PTPRR: variants seen among roughly 807,000 people sequenced by gnomAD.
PTPRR encodes the protein protein tyrosine phosphatase receptor type R, also known as receptor-type tyrosine-protein phosphatase R.
A neutral mutation model predicts 77.2 loss-of-function variants in PTPRR; 38 were observed. The observed-to-expected ratio is 0.49, with a 90% confidence interval of 0.38 to 0.65. The LOEUF (loss-of-function observed/expected upper bound fraction) is 0.65, where lower values mean the gene tolerates loss of function less well. Ranked by LOEUF, PTPRR falls within the 30% of genes least tolerant of loss-of-function variation. The pLI is 0.00. For synonymous variants in PTPRR, 299 were observed against 283.1 expected, an observed-to-expected ratio of 1.06 and a Z score of -0.57; for missense variants, 744 against 799.2, an observed-to-expected ratio of 0.93 and a Z score of 0.83.
intron 2 of PTPRR, among the ~76,000 whole-genome samples, chr12:70,809,063 A>G (rs1891762076): frequency 6.6e-6 from 1 of 152,200 alleles, no homozygotes; most frequent in Non-Finnish European, 1.5e-5. Context: ...AAGGGTTGGA[A>G]AAACTACTCA....
intron 6 of PTPRR, among the ~76,000 whole-genome samples, chr12:70,729,335 TCTATC>T (rs1407026613): frequency 3.4e-4 from 2 of 5,828 alleles, no homozygotes; most frequent in Non-Finnish European, 9.3e-4. Context: ...TGTCTATCTA[TCTATC>T]TATCTATCTA....
chr12:70,799,856 CAG>C (rs1891582276), intron 2 of PTPRR, among the ~76,000 whole-genome samples: 1 of 152,150 alleles, frequency 6.6e-6, no homozygotes, highest in Non-Finnish European at 1.5e-5. Flanking sequence ...GGCAGAATCT[CAG>C]AGAGAGCAGC....
chr12:70,672,022 C>T, intron 10 of PTPRR: 1 of 1,315,760 alleles, frequency 7.6e-7, no homozygotes, highest in Non-Finnish European at 1.1e-6. Context: ...TCCAGGCACC[C>T]CACCTGGTGG....
At chr12:70,828,605 C>A (rs1892157312) in intron 2 of PTPRR, among the ~76,000 whole-genome samples, 1 of 152,160 alleles carries the variant, frequency 6.6e-6, no homozygotes, top group Non-Finnish European at 1.5e-5. Flanking sequence ...TTACCCTTGG[C>A]CATGTTATTA....
chr12:70,855,701 A>G (rs1483162478), intron 2 of PTPRR, among the ~76,000 whole-genome samples: 4 of 152,210 alleles, frequency 2.6e-5, no homozygotes, highest in African/African-American at 9.6e-5. Flanking sequence ...TACTTTGAAT[A>G]CTGAATAAAA....
At chr12:70,876,835 A>C (rs935184839) in intron 2 of PTPRR, among the ~76,000 whole-genome samples, 9 of 152,234 alleles carry the variant, frequency 5.9e-5, no homozygotes, top group Non-Finnish European at 1.0e-4. Context: ...ATTCAAAAAA[A>C]ATTTAGGTGA....
At chr12:70,896,281 T>C (rs1008059409) in intron 1 of PTPRR, among the ~76,000 whole-genome samples, 4 of 151,644 alleles carry the variant, frequency 2.6e-5, no homozygotes, top group African/African-American at 9.7e-5. Context: ...ACAATTATCA[T>C]TGAAGATTTT....
At chr12:70,654,442 G>T (rs1886504854) in intron 13 of PTPRR, among the ~76,000 whole-genome samples, 1 of 152,202 alleles carries the variant, frequency 6.6e-6, no homozygotes, top group Non-Finnish European at 1.5e-5. Context: ...GCTGAGTGTG[G>T]CACACGCTTG....
At position 70,915,346 on chromosome 12, in the gene PTPRR, C is replaced by A. The variant is rs533843563; in HGVS notation, c.58+4987G>T. ...AAGGCTGAATGTGCATAATGCATCC[C>A]AGAATTTTTACAAGGTGTTAGGTAG... On this transcript the variant is annotated intron_variant, in intron 1 of 13. Transcript: ENST00000283228. Among the ~76,000 whole-genome samples, 58 of 152,184 alleles carry A rather than the reference C, an allele frequency of 3.8e-4. 2 individuals carry two copies. The highest frequency in any genetic ancestry group is 3.4e-3 in the Middle Eastern group (1 of 294).
chr12:70,765,807 G>A (rs1251025761), intron 2 of PTPRR, among the ~76,000 whole-genome samples: 1 of 152,146 alleles, frequency 6.6e-6, no homozygotes, highest in South Asian at 2.1e-4. Context: ...GTACTCCTCT[G>A]AGACAAAACT....
intron 2 of PTPRR, among the ~76,000 whole-genome samples, chr12:70,864,038 C>G (rs1460901762): frequency 6.6e-6 from 1 of 152,138 alleles, no homozygotes; most frequent in African/African-American, 2.4e-5. Flanking sequence ...TGTAAAGATA[C>G]AAAAGGGTAA....
rs1893842537 is a variant in PTPRR, at chr12:70,920,590, G to C, written c.-200C>G. The C allele has an allele frequency of 1.8e-6, 1 of 546,280 alleles. No homozygotes were observed. The highest frequency in any genetic ancestry group is 3.0e-5 in the Admixed American group (1 of 33,350). The allele number at this position is 546,280 out of a possible 1,614,324, so 33.8% of individuals were successfully genotyped here. A position where few individuals can be genotyped will look rare whatever the true frequency, so the allele number is the denominator to read the frequency against. On this transcript the variant is annotated 5_prime_UTR_variant, in exon 1 of 14. Coordinates refer to ENST00000283228, the MANE Select transcript of PTPRR (RefSeq NM_002849.4). ...TCCCTAAGAGAGGGAGAGAGGAAGAGCAGTAGGAGGTTGCGGGTAAGGGGA... is the reference window on the plus strand; with the variant it reads ...TCCCTAAGAGAGGGAGAGAGGAAGACCAGTAGGAGGTTGCGGGTAAGGGGA...
At chr12:70,919,468 A>G (rs943441376) in intron 1 of PTPRR, among the ~76,000 whole-genome samples, 1 of 152,140 alleles carries the variant, frequency 6.6e-6, no homozygotes, top group African/African-American at 2.4e-5. Context: ...TAGAGGTGCT[A>G]TGTATGCAAA....
chr12:70,754,090 C>T (rs1592734472), intron 5 of PTPRR, 101 bp downstream of exon 5: 2 of 1,105,130 alleles, frequency 1.8e-6, no homozygotes, highest in Non-Finnish European at 2.6e-6. Flanking sequence ...AGTCTTCCTT[C>T]TGCTCGGAAG....
At chr12:70,704,558 G>A (rs1015997273) in intron 6 of PTPRR, among the ~76,000 whole-genome samples, 2 of 152,052 alleles carry the variant, frequency 1.3e-5, no homozygotes, top group Non-Finnish European at 2.9e-5. Context: ...GAGATTAGAA[G>A]CCTTTGACAT....
intron 1 of PTPRR, among the ~76,000 whole-genome samples, chr12:70,900,738 A>G (rs558080516): frequency 3.0e-4 from 46 of 151,774 alleles, no homozygotes; most frequent in Non-Finnish European, 5.5e-4. Context: ...TTCTGAAAAG[A>G]CGACTTACAA....
chr12:70,698,039 G>A (rs1888289798), intron 8 of PTPRR, among the ~76,000 whole-genome samples: 2 of 152,024 alleles, frequency 1.3e-5, no homozygotes, highest in African/African-American at 4.8e-5. Context: ...GGGTTAATGG[G>A]AAGACTTGTC....
intron 4 of PTPRR, chr12:70,754,778 G>T: frequency 6.7e-7 from 1 of 1,491,786 alleles, no homozygotes; most frequent in Non-Finnish European, 8.9e-7. Context: ...CAGCAACAAT[G>T]CCAGCATTAT....
At chr12:70,901,914 A>G (rs1489252052) in intron 1 of PTPRR, among the ~76,000 whole-genome samples, 1 of 151,828 alleles carries the variant, frequency 6.6e-6, no homozygotes, top group Non-Finnish European at 1.5e-5. Context: ...CCCATAACAC[A>G]TCTGACAAAG....
Sources: gnomAD v4.1 joint callset for allele counts (sites outside exome capture counted in the v4.1 genomes callset) on GRCh38, gnomAD v4.1.1 for gene constraint, MANE v1.5 for transcripts, NCBI Gene and HGNC (gene_info 2026-07-23, HGNC 2026-07-21) for gene names.